Variants in GRAMD2B observed in about 807,000 individuals in gnomAD.
GRAMD2B encodes the protein GRAM domain-containing protein 2B.
Under a neutral mutation model 59.2 loss-of-function variants are expected in GRAMD2B, and 41 were observed. The ratio of observed to expected loss-of-function variants is 0.69; its 90% CI spans 0.54 to 0.90. The LOEUF is 0.90. GRAMD2B is among the 40% of genes least tolerant of loss of function. The pLI, the probability that GRAMD2B is intolerant of heterozygous loss-of-function variation, is 0.00. For missense variants in GRAMD2B, 424 were observed against 500.5 expected (o/e 0.85, Z 1.46); for synonymous variants, 161 against 182.7 (o/e 0.88, Z 0.96).
chr5:126,423,533 A>G lies in GRAMD2B; in HGVS notation c.-74A>G. On this transcript the variant is annotated 5_prime_UTR_variant, in exon 1 of 14. Transcript: ENST00000285689. ...CCGCTTGCTTGGCCTGCGCACCCGG[A>G]CCTAGAAGCCGGGACGAGCCGGGGC... 3 of 1,564,536 alleles carry G rather than the reference A, an allele frequency of 1.9e-6. No individual in the cohort carries two copies. Among genetic ancestry groups the G allele is most frequent in the Non-Finnish European group, 2.6e-6 (3 of 1,156,606 alleles).
chr5:126,371,194 T>C (rs1754731312), upstream of GRAMD2B: 1 of 528,002 alleles, frequency 1.9e-6, no homozygotes, highest in African/African-American at 2.1e-5. Flanking sequence ...AAAGTTGAAT[T>C]TCCCAAACAC....
intron 1 of GRAMD2B, among the ~76,000 whole-genome samples, chr5:126,450,365 T>C (rs1425093245): frequency 5.3e-5 from 8 of 152,228 alleles, no homozygotes; most frequent in Non-Finnish European, 7.3e-5. Context: ...CAAATACATG[T>C]ATTTCTAGCA....
chr5:126,393,094 G>A (rs1554073190), intron 1 of GRAMD2B, among the ~76,000 whole-genome samples: 1 of 152,128 alleles, frequency 6.6e-6, no homozygotes, highest in Non-Finnish European at 1.5e-5. Context: ...GAATTTCTTA[G>A]ACAACCTACC....
chr5:126,442,006 C>T (rs992145581), intron 1 of GRAMD2B, among the ~76,000 whole-genome samples: 1 of 151,966 alleles, frequency 6.6e-6, no homozygotes, highest in Admixed American at 6.6e-5. Flanking sequence ...TTTATGCATA[C>T]CTTTTTATGT....
chr5:126,447,878 A>T (rs1343307218), intron 1 of GRAMD2B, among the ~76,000 whole-genome samples: 19 of 80,684 alleles, frequency 2.4e-4, no homozygotes, highest in Non-Finnish European at 3.2e-4. Context: ...TTTTTTTTAA[A>T]AAATAGTCTC....
At chr5:126,490,764 T>G (rs532324641) in intron 13 of GRAMD2B, among the ~76,000 whole-genome samples, 97 of 152,318 alleles carry the variant, frequency 6.4e-4, no homozygotes, top group Non-Finnish European at 1.1e-3. Context: ...CAGCAATTCC[T>G]TCTTCTCACC....
At chr5:126,437,820 T>C (rs1762659307) in intron 1 of GRAMD2B, among the ~76,000 whole-genome samples, 1 of 152,170 alleles carries the variant, frequency 6.6e-6, no homozygotes, top group Admixed American at 6.5e-5. Context: ...AGAGAACCTT[T>C]CCAAATAAAT....
At chr5:126,386,547 A>T (rs749796040) in intron 1 of GRAMD2B, among the ~76,000 whole-genome samples, 2 of 152,204 alleles carry the variant, frequency 1.3e-5, no homozygotes, top group Non-Finnish European at 2.9e-5. Context: ...TCCAAGGCTG[A>T]GAATACCAAG....
At chr5:126,442,454 G>C (rs537738720) in intron 1 of GRAMD2B, among the ~76,000 whole-genome samples, 29 of 151,948 alleles carry the variant, frequency 1.9e-4, no homozygotes, top group African/African-American at 7.0e-4. Flanking sequence ...ACCACACCCA[G>C]CTAGTTTTTG....
chr5:126,382,035 T>C (rs771181368), intron 1 of GRAMD2B, among the ~76,000 whole-genome samples: 2 of 152,192 alleles, frequency 1.3e-5, no homozygotes, highest in Non-Finnish European at 2.9e-5. Flanking sequence ...TTCTACCTTG[T>C]AGGTTTTATG....
At chr5:126,409,324 T>C (rs905552399) in intron 1 of GRAMD2B, among the ~76,000 whole-genome samples, 3 of 152,328 alleles carry the variant, frequency 2.0e-5, no homozygotes, top group South Asian at 2.1e-4. Flanking sequence ...AGTGTTCCTA[T>C]TTCTCCACAT....
intron 1 of GRAMD2B, among the ~76,000 whole-genome samples, chr5:126,431,321 A>G (rs1761543652): frequency 6.6e-6 from 1 of 152,230 alleles, no homozygotes; most frequent in African/African-American, 2.4e-5. Context: ...AATGGCAGGC[A>G]TTACTCTCAA....
At chr5:126,379,054 C>G (rs959315205) in intron 1 of GRAMD2B, among the ~76,000 whole-genome samples, 4 of 152,026 alleles carry the variant, frequency 2.6e-5, no homozygotes, top group Admixed American at 2.6e-4. Flanking sequence ...ATCCCTCACC[C>G]CCCTCCCACC....
At chr5:126,434,639 TC>T (rs1762124532) in intron 1 of GRAMD2B, among the ~76,000 whole-genome samples, 1 of 152,066 alleles carries the variant, frequency 6.6e-6, no homozygotes, top group Admixed American at 6.6e-5. Context: ...TGCCTCAGCC[TC>T]CCGAGTAGCT....
At chr5:126,476,662 C>T (rs973787077) in intron 5 of GRAMD2B, among the ~76,000 whole-genome samples, 1 of 152,170 alleles carries the variant, frequency 6.6e-6, no homozygotes, top group Non-Finnish European at 1.5e-5. Context: ...TTCTTTATTT[C>T]TCATAATATT....
intron 1 of GRAMD2B, among the ~76,000 whole-genome samples, chr5:126,408,847 A>G (rs1306045538): frequency 1.6e-5 from 1 of 63,782 alleles, no homozygotes; most frequent in Non-Finnish European, 2.8e-5. Context: ...CCCTCCCCCC[A>G]CCCGACAACA....
chr5:126,389,339 A>G (rs553174462), intron 1 of GRAMD2B, among the ~76,000 whole-genome samples: 15 of 152,314 alleles, frequency 9.8e-5, no homozygotes, highest in Non-Finnish European at 1.9e-4. Flanking sequence ...GTCATCTCAC[A>G]TATTGCTTTA....
At chr5:126,444,540 G>A (rs1190334944) in intron 1 of GRAMD2B, among the ~76,000 whole-genome samples, 3 of 152,158 alleles carry the variant, frequency 2.0e-5, no homozygotes. Context: ...TAATACTTTT[G>A]AGAGCTGATT....
intron 1 of GRAMD2B, among the ~76,000 whole-genome samples, chr5:126,387,261 T>G (rs1189477435): frequency 1.2e-5 from 1 of 80,532 alleles, no homozygotes; most frequent in Non-Finnish European, 2.9e-5. Flanking sequence ...TTCTTAAAAT[T>G]TTAACTCTTC....
Sources: gnomAD v4.1 joint callset for allele counts (sites outside exome capture counted in the v4.1 genomes callset) on GRCh38, gnomAD v4.1.1 for gene constraint, MANE v1.5 for transcripts, NCBI Gene and HGNC (gene_info 2026-07-23, HGNC 2026-07-21) for gene names.